Variants in APC2 observed in about 807,000 individuals in gnomAD.
APC2 encodes the protein APC regulator of Wnt signaling pathway 2, also known as adenomatous polyposis coli protein 2.
Under a neutral mutation model 72.5 loss-of-function variants are expected in APC2, and 41 were observed. The ratio of observed to expected loss-of-function variants is 0.57; its 90% CI spans 0.44 to 0.73. APC2 has a LOEUF of 0.73. APC2 is among the 30% of genes least tolerant of loss of function. The probability of loss-of-function intolerance (pLI) is 0.00; values close to 1 mark genes in which losing one functional copy is unlikely to be tolerated. For synonymous variants in APC2, 1,898 were observed against 1,612.0 expected (o/e 1.18, Z -4.25); for missense variants, 3,729 against 3,403.4 (o/e 1.10, Z -2.38).
In APC2 at chr19:1,464,461, C is replaced by T. The variant is rs565306523; in HGVS notation, c.1854-694C>T. On this transcript the variant is annotated intron_variant, in intron 14 of 14. Coordinates refer to ENST00000590469, the MANE Select transcript of APC2 (RefSeq NM_005883.3). ...ATCCCAGCCCTTTGGGAGGCTGAGGCGGTTAGATTGCTTGAGCCCAGGAGT... is the reference window on the plus strand; with the variant it reads ...ATCCCAGCCCTTTGGGAGGCTGAGGTGGTTAGATTGCTTGAGCCCAGGAGT... Among the ~76,000 whole-genome samples, 15 of 152,028 alleles carry T rather than the reference C, an allele frequency of 9.9e-5. No homozygotes were observed. The South Asian group carries it at 1.5e-3, about 15-fold the overall frequency.
chr19:1,457,510 T>C (rs12974027), intron 9 of APC2: 6,209 of 552,380 alleles, frequency 0.011, 55 homozygotes, highest in Non-Finnish European at 0.015. Context: ...GTGCAGACTT[T>C]GAGATTCTTT....
In APC2 at chr19:1,467,260, G is replaced by A. The variant is rs749009249; in HGVS notation, c.3959G>A (p.Arg1320Gln). 7 of 1,306,244 alleles carry A rather than the reference G, an allele frequency of 5.4e-6. No individual in the cohort carries two copies. Among genetic ancestry groups the A allele is most frequent in the Non-Finnish European group, 6.8e-6 (7 of 1,032,624 alleles). 80.9% of individuals were successfully genotyped at this position (1,306,244 alleles called of 1,614,324 possible). The change falls in exon 15 of 15, where the codon CGG (arginine) becomes CAG (glutamine). Residue 1320 changes from arginine to glutamine, a missense_variant. Transcript: ENST00000590469. The part of the protein sequence containing the change: ...GAGLHFAGHR[R>Q]REEGPAPTGS... ...GGCCTCCACTTTGCAGGGCACCGGCGGCGGGAGGAGGGGCCGGCGCCCACG... is the reference window on the plus strand; with the variant it reads ...GGCCTCCACTTTGCAGGGCACCGGCAGCGGGAGGAGGGGCCGGCGCCCACG...
At position 1,468,347 on chromosome 19, in the gene APC2, T is replaced by G; in HGVS notation, c.5046T>G (p.Asp1682Glu). 6.4e-7 allele frequency: 1 copy of G among 1,566,264 alleles called. No homozygotes were observed. Among genetic ancestry groups the G allele is most frequent in the South Asian group, 1.2e-5 (1 of 85,448 alleles). The part of the protein sequence containing the change: ...AAGSDRASDL[D>E]SVEWRAIQEG... Reference sequence around the variant, plus strand: ...GCTCGGACCGGGCCTCCGACCTGGATAGCGTGGAGTGGCGCGCCATCCAGG... The same window carrying G: ...GCTCGGACCGGGCCTCCGACCTGGAGAGCGTGGAGTGGCGCGCCATCCAGG... The change falls in exon 15 of 15, where the codon GAT becomes GAG. Residue 1682 changes from aspartate to glutamate, a missense_variant. Coordinates refer to ENST00000590469, the MANE Select transcript of APC2 (RefSeq NM_005883.3).
At chr19:1,460,094 G>A (rs1376800306) in intron 10 of APC2, 87 bp from the exon 11 acceptor site, 2 of 1,563,774 alleles carry the variant, frequency 1.3e-6, no homozygotes, top group African/African-American at 1.4e-5. Context: ...GGCATAGGGA[G>A]GGCCTCTGGG....
At chr19:1,457,336 G>C in intron 9 of APC2, 93 bp downstream of exon 9, 1 of 1,432,630 alleles carries the variant, frequency 7.0e-7, no homozygotes, top group Non-Finnish European at 9.1e-7. Context: ...AGCCTTTGCT[G>C]CCTGCCTTCT....
Position 1,456,328 on chromosome 19 carries a change from T to G in APC2, c.740T>G (p.Val247Gly), listed in dbSNP as rs2083825474. The G allele has an allele frequency of 6.2e-7, 1 of 1,608,742 alleles. No individual in the cohort carries two copies. Among genetic ancestry groups the G allele is most frequent in the Non-Finnish European group, 8.5e-7 (1 of 1,178,476 alleles). Residue 247 changes from valine (V) to glycine (G), a missense_variant, in exon 8 of 15, where the codon GTG (valine) becomes GGG (glycine). Val to Gly is a moderately radical substitution (Grantham distance 109). Coordinates refer to ENST00000590469, the MANE Select transcript of APC2 (RefSeq NM_005883.3). ...CAGGCCTTGCTGGCGGTGAAGTCGGTGCCGGTGGACGAGGACCCCGAGACA... is the reference window on the plus strand; with the variant it reads ...CAGGCCTTGCTGGCGGTGAAGTCGGGGCCGGTGGACGAGGACCCCGAGACA... ...EPQALLAVKSVPVDEDPETEV... is the reference protein window; with the variant it reads ...EPQALLAVKSGPVDEDPETEV...
intron 14 of APC2, among the ~76,000 whole-genome samples, chr19:1,463,830 A>C (rs1035860630): frequency 1.3e-5 from 2 of 152,142 alleles, no homozygotes; most frequent in African/African-American, 4.8e-5. Context: ...TATAAAAATA[A>C]ATAATATTTT....
rs1332007115 is a variant in APC2, at chr19:1,468,492, C to A, written c.5191C>A (p.Gln1731Lys). 6.2e-7 allele frequency: 1 copy of A among 1,605,202 alleles called. No homozygotes were observed. Among genetic ancestry groups the A allele is most frequent in the Non-Finnish European group, 8.5e-7 (1 of 1,177,094 alleles). ...CGGGCTGTCAGTGGGATCCACCCTA[C>A]AGCCCCCCAAGCACAGGAAGGGACG... ...VSGLSVGSTLQPPKHRKGRQA... is the reference protein window; with the variant it reads ...VSGLSVGSTLKPPKHRKGRQA... Residue 1731 changes from glutamine (Q) to lysine (K), a missense_variant, in exon 15 of 15, where the codon CAG (glutamine) becomes AAG (lysine). Physicochemically the swap from Gln to Lys is moderately conservative, Grantham distance 53. Transcript: ENST00000590469.
chr19:1,448,920 G>T (rs2083712708), upstream of APC2, among the ~76,000 whole-genome samples: 1 of 152,052 alleles, frequency 6.6e-6, no homozygotes, highest in South Asian at 2.1e-4. Context: ...TGCCTCCCCA[G>T]ACCCAACCAG....
rs760808754 is a variant in APC2, at chr19:1,468,326, G to A, written c.5025G>A (p.Ser1675=). 2.6e-6 allele frequency: 4 copies of A among 1,554,028 alleles called. No individual in the cohort carries two copies. Among genetic ancestry groups the A allele is most frequent in the African/African-American group, 2.7e-5 (2 of 73,016 alleles). The change falls in exon 15 of 15, where the codon TCG becomes TCA. Residue 1675 remains serine, a synonymous_variant. Coordinates refer to ENST00000590469, the MANE Select transcript of APC2 (RefSeq NM_005883.3). ...AACGCGGCGAGGAGGCAGCGGGCTC[G>A]GACCGGGCCTCCGACCTGGATAGCG... ...SRERGEEAAG[S]DRASDLDSVE...
rs779508185 is a variant in APC2, at chr19:1,469,323, C to T, written c.6022C>T (p.Arg2008Cys). 8 of 1,410,634 alleles carry T rather than the reference C, an allele frequency of 5.7e-6. No individual in the cohort carries two copies. In the South Asian group the frequency reaches 1.1e-4, roughly 19 times the overall value. The allele number at this position is 1,410,634 out of a possible 1,614,324, so 87.4% of individuals were successfully genotyped here. A position where few individuals can be genotyped will look rare whatever the true frequency, so the allele number is the denominator to read the frequency against. ...GGAGTCGCCGGGCTTGCGGCGCCGCCGCTCCGAGCTGTCCTCGGCCGAGTC... is the reference window on the plus strand; with the variant it reads ...GGAGTCGCCGGGCTTGCGGCGCCGCTGCTCCGAGCTGTCCTCGGCCGAGTC... The part of the protein sequence containing the change: ...IKESPGLRRR[R>C]SELSSAESAA... The change falls in exon 15 of 15, where the codon CGC becomes TGC. Residue 2008 changes from arginine to cysteine, a missense_variant. Transcript: ENST00000590469.
chr19:1,459,652 T>C (rs1420650197), intron 10 of APC2, among the ~76,000 whole-genome samples: 1 of 152,194 alleles, frequency 6.6e-6, no homozygotes, highest in African/African-American at 2.4e-5. Context: ...AGTGTTTTGG[T>C]GACAAGTCCT....
upstream of APC2, among the ~76,000 whole-genome samples, chr19:1,448,638 G>A (rs1461821776): frequency 6.6e-6 from 1 of 151,604 alleles, no homozygotes; most frequent in Non-Finnish European, 1.5e-5. Context: ...GAGGTCAGGA[G>A]ATCGAGACCA....
At position 1,470,112 on chromosome 19, in the gene APC2, C is replaced by G; in HGVS notation, c.6811C>G (p.Pro2271Ala). The G allele has an allele frequency of 6.2e-7, 1 of 1,605,722 alleles. No homozygotes were observed. The highest frequency in any genetic ancestry group is 8.5e-7 in the Non-Finnish European group (1 of 1,177,642). Reference protein sequence around the residue: ...HGSPSRSARVPPFNYVPSPMV... With the variant: ...HGSPSRSARVAPFNYVPSPMV... ...CTCCCCCAGCCGCTCGGCCCGAGTA[C>G]CCCCCTTCAACTATGTGCCCAGCCC... Residue 2271 changes from proline to alanine, a missense_variant, in exon 15 of 15, where the codon CCC (proline) becomes GCC (alanine). Transcript: ENST00000590469.
rs1399104371 is a variant in APC2, at chr19:1,469,916, G to T, written c.6615G>T (p.Thr2205=). ...EVAAPKTNSS[T]SPSLETREPP... is the part of the protein sequence containing the mutation. ...CCGCCCCCAAGACCAACTCCAGCAC[G>T]TCCCCGAGCCTGGAGACCAGGGAGC... Residue 2205 remains threonine (T), a synonymous_variant, in exon 15 of 15, where the codon ACG becomes ACT. Transcript: ENST00000590469. 2.0e-6 allele frequency: 3 copies of T among 1,519,862 alleles called. No individual in the cohort carries two copies. In the Admixed American group the frequency reaches 6.1e-5, roughly 31 times the overall value. The allele number at this position is 1,519,862 out of a possible 1,614,324, so 94.1% of individuals were successfully genotyped here.
chr19:1,454,884 T>A (rs888355597), intron 4 of APC2, among the ~76,000 whole-genome samples: 2 of 152,098 alleles, frequency 1.3e-5, no homozygotes, highest in East Asian at 1.9e-4. Flanking sequence ...TTTATATTTT[T>A]TATTTTTATT....
upstream of APC2, chr19:1,450,099 C>T: frequency 1.0e-6 from 1 of 974,488 alleles, no homozygotes. Flanking sequence ...CCGCATCCCT[C>T]ATCCCGCATC....
chr19:1,455,268 C>G lies in APC2; in HGVS notation c.522+11C>G. ...CCGCACGTGGAGACGGTGAGCCGGC[C>G]GGGGAGCCAGGGGGCAGCGCGCCCG... On this transcript the variant is annotated intron_variant, in intron 5 of 14. Transcript: ENST00000590469. 6.4e-7 allele frequency: 1 copy of G among 1,561,162 alleles called. No individual in the cohort carries two copies. The highest frequency in any genetic ancestry group is 8.6e-7 in the Non-Finnish European group (1 of 1,158,286).
Position 1,468,093 on chromosome 19 carries a change from C to A in APC2, c.4792C>A (p.His1598Asn). 1.9e-6 allele frequency: 3 copies of A among 1,540,072 alleles called. No individual in the cohort carries two copies. The highest frequency in any genetic ancestry group is 2.6e-6 in the Non-Finnish European group (3 of 1,152,212). Reference protein sequence around the residue: ...EPEPSEPPAVHPRGREPAVTK... With the variant: ...EPEPSEPPAVNPRGREPAVTK... ...CGAGCCCTCGGAGCCGCCGGCCGTC[C>A]ATCCACGAGGCCGGGAGCCCGCGGT... The change falls in exon 15 of 15, where the codon CAT (histidine) becomes AAT (asparagine). Residue 1598 changes from histidine to asparagine, a missense_variant. Transcript: ENST00000590469.
Sources: gnomAD v4.1 joint callset for allele counts (sites outside exome capture counted in the v4.1 genomes callset) on GRCh38, gnomAD v4.1.1 for gene constraint, MANE v1.5 for transcripts, NCBI Gene and HGNC (gene_info 2026-07-23, HGNC 2026-07-21) for gene names.